The following RBFOX1 variants were observed in gnomAD, a reference collection of about 807,000 sequenced individuals.
RBFOX1 encodes RNA binding fox-1 homolog 1.
Under a neutral mutation model 57.7 loss-of-function variants are expected in RBFOX1, and 8 were observed. The ratio of observed to expected loss-of-function variants is 0.14; its 90% confidence interval spans 0.08 to 0.25. The LOEUF (loss-of-function observed/expected upper bound fraction) is 0.25, where lower values mean the gene tolerates loss of function less well. RBFOX1 is among the 10% of genes least tolerant of loss of function. The probability of loss-of-function intolerance (pLI) is 1.00; values close to 1 mark genes in which losing one functional copy is unlikely to be tolerated. For missense variants in RBFOX1, 611 were observed against 548.5 expected, an observed-to-expected ratio of 1.11 and a Z score of -1.14; for synonymous variants, 326 against 222.4, an observed-to-expected ratio of 1.47 and a Z score of -4.15.
At position 7,460,389 on chromosome 16, in the gene RBFOX1, A is replaced by ATATATATATATATGTG; in HGVS notation, c.28-57757_28-57756insATATATATATATGTGT. ...TAGCAAAATATATATATATATATAT[A>ATATATATATATATGTG]TGTGTGTGTGTGTGTGTGTGTGTGT... On this transcript the variant is annotated intron_variant, in intron 4 of 15. Coordinates refer to ENST00000550418, the MANE Select transcript of RBFOX1 (RefSeq NM_018723.4). Among the ~76,000 whole-genome samples the ATATATATATATATGTG allele has an allele frequency of 1.3e-3, 117 of 87,180 alleles. 2 individuals carry two copies. In the East Asian group the frequency reaches 0.019, roughly 14 times the overall value. 57.2% of individuals were successfully genotyped at this position (87,180 alleles called of 152,430 possible).
rs1313041982 is a variant in RBFOX1 at position 6,500,889 on chromosome 16, T to TGTTTGTTTGTTTG, written c.-63-153714_-63-153713insGTTTGTTTGTTTG. On this transcript the variant is annotated intron_variant, in intron 2 of 15. Transcript: ENST00000550418. ...CCTTGGGGAGTAGTTTTTTTTTTTT[T>TGTTTGTTTGTTTG]TTTTTTTTTTTTAATGCTGAGACAT... Among the ~76,000 whole-genome samples, 67 of 142,242 alleles carry TGTTTGTTTGTTTG rather than the reference T, an allele frequency of 4.7e-4. 2 individuals are homozygous for TGTTTGTTTGTTTG. The highest frequency in any genetic ancestry group is 1.6e-3 in the African/African-American group (63 of 38,774). The allele number at this position is 142,242 out of a possible 152,430, so 93.3% of individuals were successfully genotyped here.
At chr16:5,598,736 A>G (rs918098457) in intron 2 of RBFOX1, among the ~76,000 whole-genome samples, 6 of 152,184 alleles carry the variant, frequency 3.9e-5, no homozygotes, top group Admixed American at 3.9e-4. Context: ...GCGCAGGGCA[A>G]TGCAGGTCTT....
chr16:6,124,653 C>T (rs1043873094), intron 1 of RBFOX1, among the ~76,000 whole-genome samples: 4 of 152,090 alleles, frequency 2.6e-5, no homozygotes, highest in Non-Finnish European at 5.9e-5. Flanking sequence ...CAGGCATGCA[C>T]CAGCATGCCC....
chr16:7,262,374 T>C (rs1037675193), intron 4 of RBFOX1, among the ~76,000 whole-genome samples: 1 of 152,256 alleles, frequency 6.6e-6, no homozygotes, highest in Admixed American at 6.5e-5. Context: ...TTCACTTTGT[T>C]TTCCTTTTGC....
At chr16:5,374,433 G>A (rs1034928936) in intron 1 of RBFOX1, among the ~76,000 whole-genome samples, 1 of 152,158 alleles carries the variant, frequency 6.6e-6, no homozygotes, top group Admixed American at 6.5e-5. Flanking sequence ...ATTGTGGAGA[G>A]GAATTCCAGG....
At chr16:6,319,492 T>G (rs1361638042) in intron 2 of RBFOX1, among the ~76,000 whole-genome samples, 1 of 152,160 alleles carries the variant, frequency 6.6e-6, no homozygotes, top group Non-Finnish European at 1.5e-5. Context: ...GATGAATGCT[T>G]CTTAACTCCT....
chr16:6,803,254 T>C (rs1288623119), intron 3 of RBFOX1, among the ~76,000 whole-genome samples: 6 of 152,188 alleles, frequency 3.9e-5, no homozygotes, highest in Non-Finnish European at 8.8e-5. Flanking sequence ...GCTTTCTGCA[T>C]GAAAGTGCAA....
rs1244023207 is a variant in RBFOX1 at position 5,720,157 on chromosome 16, T to C, written c.318+121196T>C. On this transcript the variant is annotated intron_variant, in intron 3 of 19. Transcript: ENST00000641259. ...TATCTCATTGTGGTTTTGAGGTGTA[T>C]TTCTCCAGTTACTAATGATATTGAA... 2.0e-5 allele frequency among the ~76,000 whole-genome samples: 3 copies of C among 152,338 alleles called. No individual in the cohort carries two copies. The South Asian group carries it at 6.2e-4, about 32-fold the overall frequency.
intron 2 of RBFOX1, among the ~76,000 whole-genome samples, chr16:6,632,105 C>T (rs923156804): frequency 6.6e-6 from 1 of 152,138 alleles, no homozygotes; most frequent in Admixed American, 6.6e-5. Context: ...GTTTCTGAGT[C>T]TGTCCCTTGT....
intron 4 of RBFOX1, among the ~76,000 whole-genome samples, chr16:7,092,507 C>A (rs557244443): frequency 3.5e-4 from 53 of 152,336 alleles, no homozygotes; most frequent in African/African-American, 1.3e-3. Flanking sequence ...AGACAGTGTT[C>A]CAGCGAATGG....
intron 3 of RBFOX1, among the ~76,000 whole-genome samples, chr16:5,632,029 G>T (rs1208232258): frequency 2.6e-5 from 4 of 152,152 alleles, no homozygotes; most frequent in African/African-American, 4.8e-5. Context: ...TTGGATGTCT[G>T]AGCTTTCTTT....
intron 2 of RBFOX1, among the ~76,000 whole-genome samples, chr16:6,577,972 G>A (rs1490449220): frequency 6.6e-6 from 1 of 152,234 alleles, no homozygotes; most frequent in Non-Finnish European, 1.5e-5. Flanking sequence ...AGGTTACCCA[G>A]TTAGGAAAGC....
At chr16:6,153,020 A>G (rs1597834006) in intron 1 of RBFOX1, among the ~76,000 whole-genome samples, 1 of 145,072 alleles carries the variant, frequency 6.9e-6, no homozygotes, top group Non-Finnish European at 1.5e-5. Context: ...TAAAAGGGGC[A>G]TAGTTATTTT....
intron 3 of RBFOX1, among the ~76,000 whole-genome samples, chr16:6,984,126 A>C (rs2089673009): frequency 6.6e-6 from 1 of 152,182 alleles, no homozygotes; most frequent in South Asian, 2.1e-4. Flanking sequence ...AGGCGCTTGT[A>C]ATCTCAGCAA....
intron 4 of RBFOX1, among the ~76,000 whole-genome samples, chr16:5,887,299 T>C (rs1302404961): frequency 1.3e-5 from 2 of 152,202 alleles, no homozygotes; most frequent in Non-Finnish European, 1.5e-5. Context: ...CCCCAGTGAA[T>C]GTAACAACTA....
chr16:7,415,146 C>T (rs1446429227), intron 4 of RBFOX1, among the ~76,000 whole-genome samples: 2 of 152,194 alleles, frequency 1.3e-5, no homozygotes, highest in South Asian at 2.1e-4. Flanking sequence ...TTACCATTTT[C>T]TGTATTTATT....
intron 4 of RBFOX1, among the ~76,000 whole-genome samples, chr16:5,924,716 A>G (rs1002956295): frequency 2.0e-5 from 3 of 152,166 alleles, no homozygotes; most frequent in African/African-American, 7.2e-5. Flanking sequence ...TTTTATAGCA[A>G]CACAAGTGGT....
intron 2 of RBFOX1, among the ~76,000 whole-genome samples, chr16:5,579,113 G>A (rs1478392649): frequency 1.3e-5 from 2 of 152,202 alleles, no homozygotes; most frequent in African/African-American, 4.8e-5. Context: ...CTCCCAAAGT[G>A]CTGGGATTAG....
intron 1 of RBFOX1, among the ~76,000 whole-genome samples, chr16:5,448,589 C>T (rs917449): frequency 0.65 from 99,094 of 151,970 alleles, 32,467 homozygotes; most frequent in African/African-American, 0.72. Flanking sequence ...CATGGAACTG[C>T]ACTGAGTGGG....
Sources: allele counts gnomAD v4.1 joint callset (sites outside exome capture counted in the v4.1 genomes callset), GRCh38; gene constraint gnomAD v4.1.1; transcripts MANE v1.5; gene names NCBI Gene and HGNC (gene_info 2026-07-23, HGNC 2026-07-21).